The following TENM3 variants were observed in gnomAD, a reference collection of about 807,000 sequenced individuals.
TENM3 encodes the protein teneurin transmembrane protein 3, also known as teneurin-3.
A neutral mutation model predicts 255.1 loss-of-function variants in TENM3; 63 were observed. The ratio of observed to expected loss-of-function variants is 0.25; its 90% confidence interval spans 0.20 to 0.30. The LOEUF is 0.30. Among genes scored for constraint, TENM3 ranks in the 10% least tolerant of loss-of-function variants. The pLI is 1.00. For synonymous variants in TENM3, 1,306 were observed against 1,322.3 expected, an observed-to-expected ratio of 0.99 and a Z score of 0.27; for missense variants, 2,929 against 3,461.1, an observed-to-expected ratio of 0.85 and a Z score of 3.86.
chr4:182,187,541 C>G (rs1032482081), intron 1 of TENM3, among the ~76,000 whole-genome samples: 3 of 152,080 alleles, frequency 2.0e-5, no homozygotes, highest in Non-Finnish European at 4.4e-5. Context: ...TTTGTGCCCC[C>G]CTCCCACCCG....
At chr4:181,823,630 A>T in the TENM3 span, among the ~76,000 whole-genome samples, 6 of 152,290 alleles carry the variant, frequency 3.9e-5, no homozygotes, top group African/African-American at 1.2e-4. Context: ...TTGCCTGATG[A>T]GCTTCTATAC....
intron 1 of TENM3, among the ~76,000 whole-genome samples, chr4:182,218,181 G>C (rs997192764): frequency 6.6e-6 from 1 of 152,114 alleles, no homozygotes; most frequent in Non-Finnish European, 1.5e-5. Flanking sequence ...ACCTGACCCC[G>C]GAGTCCATGT....
At chr4:181,493,094 G>A in the TENM3 span, among the ~76,000 whole-genome samples, 1 of 151,978 alleles carries the variant, frequency 6.6e-6, no homozygotes, top group Non-Finnish European at 1.5e-5. Flanking sequence ...GTCTAAAGGT[G>A]TGCAGGGATT....
chr4:182,021,660 G>A, the TENM3 span, among the ~76,000 whole-genome samples: 1 of 152,176 alleles, frequency 6.6e-6, no homozygotes, highest in Admixed American at 6.5e-5. Flanking sequence ...AATGAAGCTA[G>A]CCTTGCATAT....
At chr4:181,990,428 G>A in the TENM3 span, among the ~76,000 whole-genome samples, 2 of 152,084 alleles carry the variant, frequency 1.3e-5, no homozygotes, top group Non-Finnish European at 2.9e-5. Context: ...TCCTTGACTA[G>A]CAATCCAGTG....
intron 13 of TENM3, among the ~76,000 whole-genome samples, chr4:182,726,376 A>ATGGCCAAAACCTTAAAGGTTTTTG (rs11271130): frequency 1.3e-5 from 2 of 152,106 alleles, no homozygotes; most frequent in Middle Eastern, 3.4e-3. Context: ...AGCGCAGCTT[A>ATGGCCAAAACCTTAAAGGTTTTTG]TGTCTGTGTC....
At chr4:181,918,602 C>T in the TENM3 span, among the ~76,000 whole-genome samples, 8 of 151,942 alleles carry the variant, frequency 5.3e-5, no homozygotes, top group Admixed American at 3.3e-4. Flanking sequence ...ATTAAATGTC[C>T]TGATTATTTT....
chr4:181,752,622 A>C, the TENM3 span, among the ~76,000 whole-genome samples: 1 of 152,042 alleles, frequency 6.6e-6, no homozygotes, highest in Non-Finnish European at 1.5e-5. Context: ...ATTATCTCAC[A>C]CTCCAATGGT....
intron 1 of TENM3, among the ~76,000 whole-genome samples, chr4:182,175,176 AT>A (rs1333728640): frequency 2.0e-5 from 3 of 151,804 alleles, no homozygotes; most frequent in Non-Finnish European, 2.9e-5. Flanking sequence ...GCAACCTATG[AT>A]TTTTTTAAAG....
chr4:182,513,516 T>A (rs1324281448), intron 3 of TENM3, among the ~76,000 whole-genome samples: 1 of 151,734 alleles, frequency 6.6e-6, no homozygotes, highest in Admixed American at 6.6e-5. Context: ...AAAAAAAACC[T>A]TTGTGTTTCA....
chr4:181,830,164 G>A, the TENM3 span, among the ~76,000 whole-genome samples: 1 of 152,180 alleles, frequency 6.6e-6, no homozygotes, highest in Non-Finnish European at 1.5e-5. Flanking sequence ...CTTTCTGTGT[G>A]AGCTTTTCAA....
At chr4:181,943,935 T>C in the TENM3 span, among the ~76,000 whole-genome samples, 1 of 152,106 alleles carries the variant, frequency 6.6e-6, no homozygotes, top group Admixed American at 6.5e-5. Flanking sequence ...CTCAACCTCC[T>C]ATAAAATATC....
intron 3 of TENM3, among the ~76,000 whole-genome samples, chr4:182,462,463 G>T (rs918504914): frequency 2.0e-5 from 3 of 151,326 alleles, no homozygotes; most frequent in African/African-American, 7.3e-5. Flanking sequence ...TCTTCTGCTT[G>T]TTTTATTTTT....
the TENM3 span, among the ~76,000 whole-genome samples, chr4:181,684,930 T>A: frequency 1.4e-5 from 2 of 141,896 alleles, no homozygotes; most frequent in Admixed American, 7.4e-5. Flanking sequence ...TTTTTTTTTT[T>A]TTTTTTTTTT....
the TENM3 span, among the ~76,000 whole-genome samples, chr4:181,509,775 G>C: frequency 6.6e-6 from 1 of 152,214 alleles, no homozygotes; most frequent in Non-Finnish European, 1.5e-5. Flanking sequence ...AATTAAGAAA[G>C]AGTAGATGAA....
chr4:181,690,503 A>G, the TENM3 span, among the ~76,000 whole-genome samples: 1 of 152,206 alleles, frequency 6.6e-6, no homozygotes, highest in Non-Finnish European at 1.5e-5. Context: ...GCCTTTAAAT[A>G]AATAATTGTC....
At chr4:182,611,322 T>C (rs1329078170) in intron 4 of TENM3, among the ~76,000 whole-genome samples, 1 of 121,956 alleles carries the variant, frequency 8.2e-6, no homozygotes, top group Non-Finnish European at 1.8e-5. Context: ...ATTGAAAGGA[T>C]GAACTAAAAC....
chr4:182,720,709 G>A lies in TENM3; in HGVS notation c.2368+6476G>A, dbSNP rs555299596. 2.0e-5 allele frequency among the ~76,000 whole-genome samples: 3 copies of A among 151,820 alleles called. No homozygotes were observed. In the South Asian group the frequency reaches 6.2e-4, roughly 32 times the overall value. On this transcript the variant is annotated intron_variant, in intron 13 of 27. Transcript: ENST00000511685. ...AAGATTTAACCACTGCATCTTAATGGGTTTTAGAAGAAGAGGAAAATCAGA... is the reference window on the plus strand; with the variant it reads ...AAGATTTAACCACTGCATCTTAATGAGTTTTAGAAGAAGAGGAAAATCAGA...
At chr4:182,567,317 T>C (rs1393290105) in intron 3 of TENM3, among the ~76,000 whole-genome samples, 1 of 152,146 alleles carries the variant, frequency 6.6e-6, no homozygotes, top group Non-Finnish European at 1.5e-5. Flanking sequence ...TGCAGAGGCT[T>C]CCTGTCGGGT....
Sources: allele counts gnomAD v4.1 joint callset (sites outside exome capture counted in the v4.1 genomes callset), GRCh38; gene constraint gnomAD v4.1.1; transcripts MANE v1.5; gene names NCBI Gene and HGNC (gene_info 2026-07-23, HGNC 2026-07-21).